The following CORO1C variants were observed in gnomAD, a reference collection of about 807,000 sequenced individuals.
CORO1C encodes coronin 1C.
CORO1C carries 14 observed loss-of-function variants against 51.2 expected under a neutral mutation model. That is an observed-to-expected ratio of 0.27 (90% CI 0.18 to 0.43). The LOEUF (loss-of-function observed/expected upper bound fraction) is 0.43. Among genes scored for constraint, CORO1C ranks in the 20% least tolerant of loss-of-function variants. CORO1C has a pLI of 1.00. For synonymous variants in CORO1C, 181 were observed against 210.5 expected (o/e 0.86, Z 1.21); for missense variants, 417 against 607.8 (o/e 0.69, Z 3.30).
chr12:108,705,479 A>AAAAGAATG (rs2035001939), intron 1 of CORO1C, among the ~76,000 whole-genome samples: 1 of 151,088 alleles, frequency 6.6e-6, no homozygotes, highest in African/African-American at 2.4e-5. Context: ...AAAAAAAAAA[A>AAAAGAATG]AAAGAATGTA....
At chr12:108,663,399 T>C (rs1460398242) in intron 3 of CORO1C, among the ~76,000 whole-genome samples, 3 of 152,248 alleles carry the variant, frequency 2.0e-5, no homozygotes, top group Non-Finnish European at 4.4e-5. Flanking sequence ...AGAAGCATTA[T>C]TTGTAATAGC....
chr12:108,693,328 C>T (rs2034562412), intron 2 of CORO1C, among the ~76,000 whole-genome samples: 1 of 152,164 alleles, frequency 6.6e-6, no homozygotes, highest in Non-Finnish European at 1.5e-5. Flanking sequence ...AGACACTGTT[C>T]ATGAAGGGGA....
intron 2 of CORO1C, among the ~76,000 whole-genome samples, chr12:108,687,504 G>C (rs1010854293): frequency 6.6e-6 from 1 of 150,646 alleles, no homozygotes; most frequent in Non-Finnish European, 1.5e-5. Context: ...TAATAATAAG[G>C]CCAGGTGCAG....
intron 1 of CORO1C, chr12:108,730,612 G>A (rs1409425492): frequency 6.6e-6 from 1 of 152,474 alleles, no homozygotes; most frequent in Non-Finnish European, 1.5e-5. Flanking sequence ...CCCGCTATTA[G>A]GGAAACACAC....
intron 3 of CORO1C, among the ~76,000 whole-genome samples, chr12:108,668,045 T>A (rs2033557736): frequency 6.6e-6 from 1 of 152,178 alleles, no homozygotes; most frequent in Non-Finnish European, 1.5e-5. Context: ...AGGACTAGAG[T>A]TACAGCCATA....
chr12:108,722,358 GA>G (rs1215347493), intron 1 of CORO1C, among the ~76,000 whole-genome samples: 1 of 152,156 alleles, frequency 6.6e-6, no homozygotes, highest in Non-Finnish European at 1.5e-5. Flanking sequence ...TTCAAATTAA[GA>G]GAGAGATGAA....
At chr12:108,730,514 T>G (rs1248714332) in intron 1 of CORO1C, 1 of 152,192 alleles carries the variant, frequency 6.6e-6, no homozygotes, top group Non-Finnish European at 1.5e-5. Flanking sequence ...ATTCCCACCC[T>G]CCACGTCTGA....
At chr12:108,708,646 G>A (rs1592937255) in intron 1 of CORO1C, among the ~76,000 whole-genome samples, 1 of 152,000 alleles carries the variant, frequency 6.6e-6, no homozygotes, top group African/African-American at 2.4e-5. Flanking sequence ...ATTTTTAGTA[G>A]AGACAGGGTT....
At chr12:108,708,618 C>T (rs1350094651) in intron 1 of CORO1C, among the ~76,000 whole-genome samples, 8 of 152,018 alleles carry the variant, frequency 5.3e-5, no homozygotes, top group African/African-American at 9.7e-5. Context: ...CCTGCCACCA[C>T]GCCCAGCTAA....
At chr12:108,726,360 A>G (rs2035591843) in intron 1 of CORO1C, among the ~76,000 whole-genome samples, 1 of 151,308 alleles carries the variant, frequency 6.6e-6, no homozygotes, top group African/African-American at 2.4e-5. Context: ...CAGAGCTTGC[A>G]GTGAGCTGAG....
rs201458763 is a variant in CORO1C at position 108,675,180 on chromosome 12, G to GTA, written c.318+3090_318+3091dup. Among the ~76,000 whole-genome samples, 1,273 of 151,098 alleles carry GTA rather than the reference G, an allele frequency of 8.4e-3. 8 individuals are homozygous for GTA. The highest frequency in any genetic ancestry group is 0.024 in the East Asian group (125 of 5,164). On this transcript the variant is annotated intron_variant, in intron 3 of 10. Transcript: ENST00000261401. ...CTTTGGTAATACAGTATTTTTAAAT[G>GTA]TATATATATATATACATAATGCTAC...
intron 6 of CORO1C, among the ~76,000 whole-genome samples, chr12:108,654,834 T>C (rs2032863184): frequency 6.6e-6 from 1 of 151,938 alleles, no homozygotes; most frequent in Admixed American, 6.6e-5. Context: ...TGGCAAGAGC[T>C]GGGATTATAG....
intron 1 of CORO1C, among the ~76,000 whole-genome samples, chr12:108,723,704 T>C (rs922623059): frequency 3.1e-4 from 47 of 152,230 alleles, no homozygotes; most frequent in African/African-American, 1.1e-3. Flanking sequence ...AACAACCACA[T>C]TGTGAAACAA....
chr12:108,729,103 A>G (rs779021476), intron 1 of CORO1C, among the ~76,000 whole-genome samples: 8 of 152,196 alleles, frequency 5.3e-5, no homozygotes, highest in Non-Finnish European at 1.0e-4. Flanking sequence ...CGACATACCC[A>G]CTTATATAAC....
rs779704617 is a variant in CORO1C at position 108,648,815 on chromosome 12, T to C, written c.1095A>G (p.Thr365=). 3.3e-5 allele frequency: 53 copies of C among 1,614,124 alleles called. No individual in the cohort carries two copies. Among genetic ancestry groups the C allele is most frequent in the Non-Finnish European group, 4.2e-5 (49 of 1,180,056 alleles). Residue 365 remains threonine (T), a synonymous_variant, in exon 10 of 11, where the codon ACA becomes ACG. Transcript: ENST00000261401. ...DLFQDDLYPD[T]AGPEAALEAE... is the part of the protein sequence containing the mutation. ...CCTCCAGCGCGGCCTCTGGCCCCGCTGTGTCAGGATACAGGTCATCTTGGA... is the reference window on the plus strand; with the variant it reads ...CCTCCAGCGCGGCCTCTGGCCCCGCCGTGTCAGGATACAGGTCATCTTGGA...
intron 3 of CORO1C, among the ~76,000 whole-genome samples, chr12:108,674,625 G>A (rs187540634): frequency 4.3e-4 from 65 of 151,810 alleles, no homozygotes; most frequent in Admixed American, 1.3e-3. Flanking sequence ...TTCATGATTC[G>A]TGGAAGGAGT....
At chr12:108,652,162 G>T in intron 8 of CORO1C, 110 bp downstream of exon 8, 1 of 884,968 alleles carries the variant, frequency 1.1e-6, no homozygotes, top group Non-Finnish European at 1.7e-6. Context: ...CTACTTTCTT[G>T]CTCAGAATGG....
chr12:108,654,066 C>T (rs571349578), intron 7 of CORO1C, among the ~76,000 whole-genome samples: 3 of 152,282 alleles, frequency 2.0e-5, no homozygotes, highest in East Asian at 3.9e-4. Flanking sequence ...ATACCCCAGC[C>T]CAACCTCTGC....
At chr12:108,663,979 A>G (rs930272358) in intron 3 of CORO1C, among the ~76,000 whole-genome samples, 6 of 152,244 alleles carry the variant, frequency 3.9e-5, no homozygotes, top group African/African-American at 1.2e-4. Flanking sequence ...GAAAGACTTT[A>G]TGTTTAACAA....
Sources: gnomAD v4.1 joint callset for allele counts (sites outside exome capture counted in the v4.1 genomes callset) on GRCh38, gnomAD v4.1.1 for gene constraint, MANE v1.5 for transcripts, NCBI Gene and HGNC (gene_info 2026-07-23, HGNC 2026-07-21) for gene names.